Variants in AKIRIN1 observed in about 807,000 individuals in gnomAD.
The protein encoded by AKIRIN1 is akirin 1, also known as akirin-1.
AKIRIN1 carries 4 observed loss-of-function variants against 25.9 expected under a neutral mutation model. The ratio of observed to expected loss-of-function variants is 0.15; its 90% CI spans 0.08 to 0.35. The LOEUF is 0.35. Ranked by LOEUF, AKIRIN1 falls within the 10% of genes least tolerant of loss-of-function variation. The probability of loss-of-function intolerance (pLI) is 1.00; values close to 1 mark genes in which losing one functional copy is unlikely to be tolerated. For missense variants in AKIRIN1, 243 were observed against 266.1 expected (o/e 0.91, Z 0.61); for synonymous variants, 125 against 105.1 (o/e 1.19, Z -1.16).
chr1:38,991,968 T>A (rs1299091730), intron 1 of AKIRIN1, among the ~76,000 whole-genome samples: 1 of 124,068 alleles, frequency 8.1e-6, no homozygotes, highest in Non-Finnish European at 1.6e-5. Context: ...CATGGAAAAT[T>A]GGATTCTACT....
At chr1:39,002,391 G>T (rs1643999462) in intron 3 of AKIRIN1, among the ~76,000 whole-genome samples, 1 of 152,148 alleles carries the variant, frequency 6.6e-6, no homozygotes, top group South Asian at 2.1e-4. Context: ...AGTTAAATGA[G>T]TTCCTTTATA....
intron 2 of AKIRIN1, 82 bp from the exon 3 acceptor site, chr1:39,000,890 G>C: frequency 1.4e-6 from 2 of 1,440,054 alleles, no homozygotes; most frequent in East Asian, 4.8e-5. Flanking sequence ...CAGATGATCC[G>C]CCTGCCTTGG....
rs184876218 is a variant in AKIRIN1 at position 39,001,555 on chromosome 1, C to T, written c.496+449C>T. Among the ~76,000 whole-genome samples, 67 of 152,056 alleles carry T rather than the reference C, an allele frequency of 4.4e-4. 1 individual carries two copies. The East Asian group carries it at 9.7e-3, about 22-fold the overall frequency. On this transcript the variant is annotated intron_variant, in intron 3 of 4. Coordinates refer to ENST00000432648, the MANE Select transcript of AKIRIN1 (RefSeq NM_024595.3). ...TGCTTGGATTACAGGCGTGAGCCAC[C>T]GCGCCTGGCCAAGACTTTGTTTTTT...
At chr1:38,998,455 AG>A (rs1490953471) in intron 2 of AKIRIN1, 144 bp downstream of exon 2, 4 of 1,013,184 alleles carry the variant, frequency 3.9e-6, no homozygotes, top group Non-Finnish European at 5.4e-6. Flanking sequence ...AAAACTATAC[AG>A]TCATGAAATT....
intron 1 of AKIRIN1, among the ~76,000 whole-genome samples, chr1:38,992,101 C>T (rs1188453449): frequency 6.6e-6 from 1 of 152,152 alleles, no homozygotes; most frequent in Non-Finnish European, 1.5e-5. Flanking sequence ...ACCCAGAGGC[C>T]GCCGCAAGAG....
chr1:38,999,924 C>T (rs983579938), intron 2 of AKIRIN1, among the ~76,000 whole-genome samples: 1 of 151,742 alleles, frequency 6.6e-6, no homozygotes, highest in Non-Finnish European at 1.5e-5. Flanking sequence ...GCTCTGTCGC[C>T]CAGGCTGGAG....
intron 3 of AKIRIN1, among the ~76,000 whole-genome samples, chr1:39,001,911 A>T (rs1643995470): frequency 6.6e-6 from 1 of 152,114 alleles, no homozygotes; most frequent in Admixed American, 6.6e-5. Flanking sequence ...ATAGTTATGG[A>T]TGTGGCGAGT....
intron 3 of AKIRIN1, among the ~76,000 whole-genome samples, chr1:39,001,573 T>C (rs979784768): frequency 3.9e-5 from 6 of 152,058 alleles, no homozygotes; most frequent in Non-Finnish European, 7.3e-5. Flanking sequence ...GCCAAGACTT[T>C]GTTTTTTAAA....
At chr1:38,995,854 G>A (rs1445436281) in intron 1 of AKIRIN1, among the ~76,000 whole-genome samples, 1 of 152,154 alleles carries the variant, frequency 6.6e-6, no homozygotes, top group East Asian at 1.9e-4. Flanking sequence ...CCAACATTGT[G>A]AAACTCTGTC....
intron 1 of AKIRIN1, among the ~76,000 whole-genome samples, chr1:38,995,353 G>A (rs1303185817): frequency 6.6e-6 from 1 of 152,234 alleles, no homozygotes; most frequent in African/African-American, 2.4e-5. Context: ...GAACACTGTA[G>A]AGTTTGGAGG....
chr1:38,995,076 C>G (rs915207954), intron 1 of AKIRIN1, among the ~76,000 whole-genome samples: 2 of 152,060 alleles, frequency 1.3e-5, no homozygotes, highest in Admixed American at 6.6e-5. Flanking sequence ...GGTGATCTGC[C>G]CGCCTCGGCC....
intron 3 of AKIRIN1, among the ~76,000 whole-genome samples, 197 bp downstream of exon 3, chr1:39,001,303 T>G (rs939617689): frequency 9.9e-4 from 132 of 133,464 alleles, no homozygotes; most frequent in Middle Eastern, 4.1e-3. Flanking sequence ...TTTTTTTTTT[T>G]GGGACAGAGT....
In AKIRIN1 at chr1:38,991,331, G is replaced by A. The variant is rs1360262531; in HGVS notation, c.-50G>A. The A allele has an allele frequency of 1.5e-6, 2 of 1,321,672 alleles. No homozygotes were observed. Among genetic ancestry groups the A allele is most frequent in the Non-Finnish European group, 1.9e-6 (2 of 1,035,588 alleles). The allele number at this position is 1,321,672 out of a possible 1,614,324, so 81.9% of individuals were successfully genotyped here. A position where few individuals can be genotyped will look rare whatever the true frequency, so the allele number is the denominator to read the frequency against. On this transcript the variant is annotated 5_prime_UTR_variant, in exon 1 of 5. Coordinates refer to ENST00000432648, the MANE Select transcript of AKIRIN1 (RefSeq NM_024595.3). Reference sequence around the variant, plus strand: ...GGCGAGCCCGGCTGAGGAGCCTCTTGGGCCGCACTTACCGCCGCGTCCGCT... The same window carrying A: ...GGCGAGCCCGGCTGAGGAGCCTCTTAGGCCGCACTTACCGCCGCGTCCGCT...
chr1:38,994,672 A>ATTTTTTTTTTTT (rs10528399), intron 1 of AKIRIN1, among the ~76,000 whole-genome samples: 55 of 63,548 alleles, frequency 8.7e-4, no homozygotes, highest in East Asian at 1.5e-3. Context: ...CGCTCGGCTA[A>ATTTTTTTTTTTT]TTTTTTTTTT....
intron 1 of AKIRIN1, among the ~76,000 whole-genome samples, chr1:38,995,560 T>G (rs1431503618): frequency 6.6e-6 from 1 of 152,258 alleles, no homozygotes; most frequent in Non-Finnish European, 1.5e-5. Flanking sequence ...ATTCTTGGAC[T>G]TCTTAGTCCT....
At chr1:38,993,854 T>C (rs1413963227) in intron 1 of AKIRIN1, among the ~76,000 whole-genome samples, 5 of 151,984 alleles carry the variant, frequency 3.3e-5, no homozygotes, top group Non-Finnish European at 7.4e-5. Flanking sequence ...GCGGATCACC[T>C]GAGGTCGGGA....
intron 3 of AKIRIN1, among the ~76,000 whole-genome samples, chr1:39,002,846 TC>T (rs1644004604): frequency 6.6e-6 from 1 of 152,220 alleles, no homozygotes; most frequent in African/African-American, 2.4e-5. Flanking sequence ...GCTACCTTCT[TC>T]CTTTCTACTC....
At chr1:38,994,137 G>C (rs1351180753) in intron 1 of AKIRIN1, among the ~76,000 whole-genome samples, 1 of 151,746 alleles carries the variant, frequency 6.6e-6, no homozygotes, top group African/African-American at 2.4e-5. Flanking sequence ...TGCAAAGTCT[G>C]AACTGATCCA....
At position 38,994,679 on chromosome 1, in the gene AKIRIN1, T is replaced by A. The variant is rs1272478461; in HGVS notation, c.220+3079T>A. Among the ~76,000 whole-genome samples, 92 of 42,106 alleles carry A rather than the reference T, an allele frequency of 2.2e-3. 3 individuals carry two copies. In the East Asian group the frequency reaches 0.032, roughly 15 times the overall value. The allele number at this position is 42,106 out of a possible 152,430, so 27.6% of individuals were successfully genotyped here. A position where few individuals can be genotyped will look rare whatever the true frequency, so the allele number is the denominator to read the frequency against. On this transcript the variant is annotated intron_variant, in intron 1 of 4. Transcript: ENST00000432648. The stretch of plus-strand genomic sequence containing the variant: ...TGTCACTACGCTCGGCTAATTTTTT[T>A]TTTTTTTTTTTTTTTTTTTTTTTTT...
Sources: allele counts gnomAD v4.1 joint callset (sites outside exome capture counted in the v4.1 genomes callset), GRCh38; gene constraint gnomAD v4.1.1; transcripts MANE v1.5; gene names NCBI Gene and HGNC (gene_info 2026-07-23, HGNC 2026-07-21).